SIGLEC15: variants seen among roughly 807,000 people sequenced by gnomAD.
SIGLEC15 encodes the protein sialic acid-binding Ig-like lectin 15.
Under a neutral mutation model 26.2 loss-of-function variants are expected in SIGLEC15, and 31 were observed. That is an observed-to-expected ratio of 1.18 (90% CI 0.89 to 1.60). SIGLEC15 has a LOEUF of 1.60. Ranked by LOEUF, SIGLEC15 falls within the 40% of genes most tolerant of loss-of-function variation. The pLI is 0.00. For synonymous variants in SIGLEC15, 207 were observed against 221.9 expected, an observed-to-expected ratio of 0.93 and a Z score of 0.60; for missense variants, 501 against 488.4, an observed-to-expected ratio of 1.03 and a Z score of -0.24.
At chr18:45,838,609 C>A in intron 3 of SIGLEC15, 109 bp from the exon 4 acceptor site, 1 of 1,374,938 alleles carries the variant, frequency 7.3e-7, no homozygotes, top group Non-Finnish European at 9.5e-7. Flanking sequence ...GCCTGGCACC[C>A]AAGTGCCCAT....
chr18:45,828,437 G>T (rs752401710), intron 1 of SIGLEC15, among the ~76,000 whole-genome samples: 3 of 152,138 alleles, frequency 2.0e-5, no homozygotes, highest in Non-Finnish European at 4.4e-5. Context: ...AGCTAGAGAT[G>T]CCAGGGAACG....
chr18:45,840,131 A>G, intron 4 of SIGLEC15, 80 bp from the exon 5 acceptor site: 3 of 1,509,558 alleles, frequency 2.0e-6, no homozygotes, highest in Admixed American at 1.8e-5. Context: ...CCCCTTCCAC[A>G]TGGCATGGGT....
rs755625101 is a variant in SIGLEC15, at chr18:45,839,057, T to G, written c.836T>G (p.Leu279Arg). ...GALGFKALLL[L>R]GVLAARAARR... ...CTCGGCTTCAAGGCGCTGCTGCTGC[T>G]CGGGGTCCTGGCCGCCCGCGCTGCC... Residue 279 changes from leucine to arginine, a missense_variant, in exon 4 of 6, where the codon CTC becomes CGC. Leu to Arg is a moderately radical substitution (Grantham distance 102, BLOSUM62 -2). Transcript: ENST00000389474. 4.8e-4 allele frequency: 727 copies of G among 1,512,368 alleles called. 1 individual carries two copies. The highest frequency in any genetic ancestry group is 6.1e-4 in the Non-Finnish European group (697 of 1,140,914). 93.7% of individuals were successfully genotyped at this position (1,512,368 alleles called of 1,614,324 possible).
chr18:45,830,124 A>G (rs2048221537), intron 1 of SIGLEC15, among the ~76,000 whole-genome samples: 1 of 101,314 alleles, frequency 9.9e-6, no homozygotes, highest in Admixed American at 9.6e-5. Flanking sequence ...GACTACGCCC[A>G]CAGAAGATCT....
Position 45,842,265 on chromosome 18 carries a change from G to A in SIGLEC15, c.*78G>A. 3 of 1,521,112 alleles carry A rather than the reference G, an allele frequency of 2.0e-6. No individual in the cohort carries two copies. The highest frequency in any genetic ancestry group is 2.7e-6 in the Non-Finnish European group (3 of 1,097,036). The allele number at this position is 1,521,112 out of a possible 1,614,324, so 94.2% of individuals were successfully genotyped here. On this transcript the variant is annotated 3_prime_UTR_variant, in exon 6 of 6. Coordinates refer to ENST00000389474, the MANE Select transcript of SIGLEC15 (RefSeq NM_213602.3). ...GTGCGAGGCTTGGCTGGCACAGCCA[G>A]TCCTGGTTCTCGGGCACCTTGGCAG...
chr18:45,831,666 G>A (rs1405638775), intron 1 of SIGLEC15, among the ~76,000 whole-genome samples: 2 of 152,018 alleles, frequency 1.3e-5, no homozygotes, highest in African/African-American at 4.8e-5. Flanking sequence ...TTAAGGACAA[G>A]GATTGGGCAA....
At chr18:45,830,268 G>C (rs1323238471) in intron 1 of SIGLEC15, among the ~76,000 whole-genome samples, 1 of 152,170 alleles carries the variant, frequency 6.6e-6, no homozygotes, top group African/African-American at 2.4e-5. Flanking sequence ...GCTGGTGTAG[G>C]CTCCCCAGCT....
At chr18:45,839,727 G>T (rs1410002682) in intron 4 of SIGLEC15, among the ~76,000 whole-genome samples, 2 of 152,194 alleles carry the variant, frequency 1.3e-5, no homozygotes, top group East Asian at 3.9e-4. Flanking sequence ...GCTCTTCCTA[G>T]CAGAGATCAT....
intron 5 of SIGLEC15, among the ~76,000 whole-genome samples, chr18:45,841,462 G>T (rs766215066): frequency 6.6e-6 from 1 of 152,164 alleles, no homozygotes; most frequent in Non-Finnish European, 1.5e-5. Context: ...TCACTGAATG[G>T]TTTTAAGCGG....
At chr18:45,826,014 T>G (rs962484544) in intron 1 of SIGLEC15, among the ~76,000 whole-genome samples, 3 of 152,144 alleles carry the variant, frequency 2.0e-5, no homozygotes, top group Admixed American at 2.0e-4. Context: ...GGCTTCAGGG[T>G]GGCTGCCTAT....
chr18:45,825,753 G>A lies in SIGLEC15; in HGVS notation c.25G>A (p.Ala9Thr). ...CATGGAAAAGTCCATCTGGCTGCTG[G>A]CCTGCTTGGCGTGGGTTCTCCCGAC... MEKSIWLL[A>T]CLAWVLPTGS... The change falls in exon 1 of 6, where the codon GCC becomes ACC. Residue 9 changes from alanine to threonine, a missense_variant. Transcript: ENST00000389474. 1 of 1,614,248 alleles carries A rather than the reference G, an allele frequency of 6.2e-7. No individual in the cohort carries two copies. The highest frequency in any genetic ancestry group is 8.5e-7 in the Non-Finnish European group (1 of 1,180,036).
At chr18:45,832,178 C>T (rs940467692) in intron 1 of SIGLEC15, among the ~76,000 whole-genome samples, 18 of 152,214 alleles carry the variant, frequency 1.2e-4, no homozygotes, top group East Asian at 1.9e-4. Flanking sequence ...GCTCTACATA[C>T]GTGGTTTCAT....
At position 45,842,461 on chromosome 18, in the gene SIGLEC15, G is replaced by GAGAT; in HGVS notation, c.*274_*275insAGAT. 2 of 416,366 alleles carry GAGAT rather than the reference G, an allele frequency of 4.8e-6. No homozygotes were observed. The highest frequency in any genetic ancestry group is 3.6e-5 in the South Asian group (1 of 27,686). The allele number at this position is 416,366 out of a possible 1,614,324, so 25.8% of individuals were successfully genotyped here. On this transcript the variant is annotated 3_prime_UTR_variant, in exon 6 of 6. Transcript: ENST00000389474. ...TGTGTGTGAGAGAGAGAGAGAGAGA[G>GAGAT]TACACGCATTAGCTTGAGCGTGAAA... is the stretch of plus-strand genomic sequence containing the variant.
intron 4 of SIGLEC15, among the ~76,000 whole-genome samples, chr18:45,839,996 G>A (rs567743138): frequency 4.6e-5 from 7 of 152,214 alleles, no homozygotes; most frequent in South Asian, 2.1e-4. Context: ...TCAGAAGAAC[G>A]GACTTTTTAC....
At position 45,842,456 on chromosome 18, in the gene SIGLEC15, AG is replaced by A. The variant is rs562653438; in HGVS notation, c.*270del. On this transcript the variant is annotated 3_prime_UTR_variant, in exon 6 of 6. Coordinates refer to ENST00000389474, the MANE Select transcript of SIGLEC15 (RefSeq NM_213602.3). ...GTGTGTGTGTGTGAGAGAGAGAGAG[AG>A]AGAGTACACGCATTAGCTTGAGCGT... 5.5e-4 allele frequency: 261 copies of A among 475,442 alleles called. 4 individuals carry two copies. The East Asian group carries it at 9.0e-3, about 16-fold the overall frequency. 29.5% of individuals were successfully genotyped at this position (475,442 alleles called of 1,614,324 possible). A position where few individuals can be genotyped will look rare whatever the true frequency, so the allele number is the denominator to read the frequency against.
intron 1 of SIGLEC15, among the ~76,000 whole-genome samples, chr18:45,830,583 CTTTTTT>C (rs56404391): frequency 1.0e-5 from 1 of 96,702 alleles, no homozygotes. Context: ...ATTTTTCTTT[CTTTTTT>C]TTTTTTTTTT....
At chr18:45,842,005 C>T in intron 5 of SIGLEC15, 101 bp from the exon 6 acceptor site, 1 of 1,101,610 alleles carries the variant, frequency 9.1e-7, no homozygotes, top group Non-Finnish European at 1.4e-6. Context: ...GCACTGCTCC[C>T]CAGAATGTCT....
chr18:45,836,890 C>T, intron 1 of SIGLEC15, 139 bp from the exon 2 acceptor site: 1 of 597,990 alleles, frequency 1.7e-6, no homozygotes, highest in African/African-American at 1.9e-5. Flanking sequence ...GCCTCTAGTG[C>T]ACTAGAATGC....
At chr18:45,835,045 A>G (rs2048265775) in intron 1 of SIGLEC15, among the ~76,000 whole-genome samples, 1 of 152,100 alleles carries the variant, frequency 6.6e-6, no homozygotes, top group South Asian at 2.1e-4. Context: ...TAGGTCCTCC[A>G]CTCGGGTTCA....
Sources: allele counts gnomAD v4.1 joint callset (sites outside exome capture counted in the v4.1 genomes callset), GRCh38; gene constraint gnomAD v4.1.1; transcripts MANE v1.5; gene names NCBI Gene and HGNC (gene_info 2026-07-23, HGNC 2026-07-21).